DIXDC1: variants seen among roughly 807,000 people sequenced by gnomAD.
DIXDC1 encodes the protein DIX domain containing 1.
A neutral mutation model predicts 103.1 loss-of-function variants in DIXDC1; 64 were observed. That is an observed-to-expected ratio of 0.62 (90% confidence interval 0.51 to 0.76). DIXDC1 has a LOEUF of 0.76. Ranked by LOEUF, DIXDC1 falls within the 30% of genes least tolerant of loss-of-function variation. The pLI, the probability that DIXDC1 is intolerant of heterozygous loss-of-function variation, is 0.00. For missense variants in DIXDC1, 759 were observed against 834.2 expected, an observed-to-expected ratio of 0.91 and a Z score of 1.11; for synonymous variants, 266 against 298.5, an observed-to-expected ratio of 0.89 and a Z score of 1.12.
In DIXDC1 at chr11:111,967,714, G is replaced by A. The variant is rs782027475; in HGVS notation, c.191-799G>A. ...CCCAAAGTGCTAGGATTACGGGCGC[G>A]GGCGTAAGCCATGGCACCCTGCCAG... On this transcript the variant is annotated intron_variant, in intron 2 of 19. Coordinates refer to ENST00000440460, the MANE Select transcript of DIXDC1 (RefSeq NM_001037954.4). 1.3e-4 allele frequency among the ~76,000 whole-genome samples: 20 copies of A among 152,214 alleles called. No homozygotes were observed. In the East Asian group the frequency reaches 1.7e-3, roughly 13 times the overall value.
chr11:111,979,050 C>T (rs11821811), intron 5 of DIXDC1, among the ~76,000 whole-genome samples: 29,751 of 152,204 alleles, frequency 0.2, 3,341 homozygotes, highest in Admixed American at 0.28. Flanking sequence ...CTCCCTACCC[C>T]TCCTGCCTGT....
At chr11:112,018,164 G>A (rs1861654292) in intron 19 of DIXDC1, among the ~76,000 whole-genome samples, 1 of 152,150 alleles carries the variant, frequency 6.6e-6, no homozygotes, top group Non-Finnish European at 1.5e-5. Context: ...AAGAACCTAA[G>A]ACAATAAATA....
Position 111,977,717 on chromosome 11 carries a change from C to A in DIXDC1, c.656+2734C>A. The A allele has an allele frequency of 6.4e-7, 1 of 1,550,434 alleles. No homozygotes were observed. Among genetic ancestry groups the A allele is most frequent in the East Asian group, 2.5e-5 (1 of 40,326 alleles). ...ATTTGGGAGCGATGTGACTCTCAGC[C>A]TCCCACTTCACCCGGGGACGCAGGC... On this transcript the variant is annotated intron_variant, in intron 5 of 19. Transcript: ENST00000440460. The surrounding 1 kb of genome is among the most constrained non-coding windows in gnomAD (Gnocchi z 6.1).
chr11:111,993,783 A>C, intron 14 of DIXDC1, 43 bp downstream of exon 14: 1 of 1,601,744 alleles, frequency 6.2e-7, no homozygotes, highest in Non-Finnish European at 8.5e-7. Context: ...TTATGAAGCA[A>C]ACGGGGAGAT....
intron 11 of DIXDC1, 109 bp downstream of exon 11, chr11:111,992,628 A>G (rs1860746913): frequency 1.0e-6 from 1 of 981,908 alleles, no homozygotes; most frequent in Admixed American, 2.4e-5. Context: ...TGCTTCTGGG[A>G]TGCCTGCCTT....
rs587688734 is a variant in DIXDC1 at position 112,013,671 on chromosome 11, A to G, written c.1757-3020A>G. Among the ~76,000 whole-genome samples the G allele has an allele frequency of 5.9e-5, 9 of 152,202 alleles. No individual in the cohort carries two copies. The South Asian group carries it at 1.9e-3, about 32-fold the overall frequency. Reference sequence around the variant, plus strand: ...CTATATCCCTAGTACTAAGACTTTGACTTTCTAAAGGTCTTTCAAATTCAT... The same window carrying G: ...CTATATCCCTAGTACTAAGACTTTGGCTTTCTAAAGGTCTTTCAAATTCAT... On this transcript the variant is annotated intron_variant, in intron 17 of 19. Transcript: ENST00000440460.
intron 1 of DIXDC1, among the ~76,000 whole-genome samples, chr11:111,943,485 C>CTTTTTTTT: frequency 7.5e-6 from 1 of 133,944 alleles, no homozygotes; most frequent in Non-Finnish European, 1.6e-5. Flanking sequence ...TTTTCTTTCT[C>CTTTTTTTT]TCTTTTTTTT....
rs1187032190 is a variant in DIXDC1, at chr11:111,958,992, G to A, written c.61-5557G>A. ...CTCTGCTGAGAGCTGAACACTCATC[G>A]GGACACCCTGGCTGTGGAGATGAGC... On this transcript the variant is annotated intron_variant, in intron 1 of 19. Transcript: ENST00000440460. This position sits in a 1 kb window ranked among gnomAD's most constrained non-coding sequence, Gnocchi z 4.2. Among the ~76,000 whole-genome samples, 2 of 152,098 alleles carry A rather than the reference G, an allele frequency of 1.3e-5. No homozygotes were observed. The highest frequency in any genetic ancestry group is 2.9e-5 in the Non-Finnish European group (2 of 68,004).
At chr11:112,004,759 C>T (rs1861182009) in intron 17 of DIXDC1, among the ~76,000 whole-genome samples, 1 of 152,152 alleles carries the variant, frequency 6.6e-6, no homozygotes, top group Non-Finnish European at 1.5e-5. Context: ...AGCAGCTGTC[C>T]CTAAACCTAA....
At position 111,977,852 on chromosome 11, in the gene DIXDC1, G is replaced by T; in HGVS notation, c.656+2869G>T. The T allele has an allele frequency of 6.7e-7, 1 of 1,501,548 alleles. No individual in the cohort carries two copies. The highest frequency in any genetic ancestry group is 1.4e-5 in the African/African-American group (1 of 69,344). The allele number at this position is 1,501,548 out of a possible 1,614,324, so 93.0% of individuals were successfully genotyped here. Reference sequence around the variant, plus strand: ...GGGGCCTGGGTGGGAACAGGGGCAGGGCTGGAGGATGCTGTTGGCCGGAGA... The same window carrying T: ...GGGGCCTGGGTGGGAACAGGGGCAGTGCTGGAGGATGCTGTTGGCCGGAGA... On this transcript the variant is annotated intron_variant, in intron 5 of 19. Transcript: ENST00000440460. This position sits in a 1 kb window ranked among gnomAD's most constrained non-coding sequence, Gnocchi z 6.1.
At chr11:111,938,701 G>A (rs950253500) in intron 1 of DIXDC1, among the ~76,000 whole-genome samples, 5 of 152,144 alleles carry the variant, frequency 3.3e-5, no homozygotes, top group Admixed American at 3.3e-4. Context: ...TAATTAAGAA[G>A]CTCTGCAGCC....
chr11:111,943,900 A>G (rs1966506714), intron 1 of DIXDC1, among the ~76,000 whole-genome samples: 1 of 152,194 alleles, frequency 6.6e-6, no homozygotes, highest in Admixed American at 6.5e-5. Flanking sequence ...CTTCTGTACA[A>G]AGAACCTGTC....
rs587640261 is a variant in DIXDC1, at chr11:111,985,974, TC to T, written c.1008+655del. On this transcript the variant is annotated intron_variant, in intron 8 of 19. Transcript: ENST00000440460. ...CAGAAATCTGAATGTTGTCCTTGAA[TC>T]CTTTCCCTCTACATACTTCCCTGTA... is the stretch of plus-strand genomic sequence containing the variant. Among the ~76,000 whole-genome samples the T allele has an allele frequency of 5.9e-5, 9 of 152,260 alleles. No individual in the cohort carries two copies. The South Asian group carries it at 1.9e-3, about 32-fold the overall frequency.
In DIXDC1 at chr11:111,974,279, G is replaced by A. The variant is rs182746547; in HGVS notation, c.548+25G>A. On this transcript the variant is annotated intron_variant, in intron 4 of 19. Coordinates refer to ENST00000440460, the MANE Select transcript of DIXDC1 (RefSeq NM_001037954.4). ...GGTAAGGGTAGAAATCTGGGGGTGG[G>A]AACTGATCCCTCTCTCTGATACTTC... is the stretch of plus-strand genomic sequence containing the variant. 4.1e-5 allele frequency: 65 copies of A among 1,591,930 alleles called. No homozygotes were observed. In the Admixed American group the frequency reaches 7.0e-4, roughly 17 times the overall value.
rs587671468 is a variant in DIXDC1 at position 111,964,733 on chromosome 11, T to C, written c.190+55T>C. On this transcript the variant is annotated intron_variant, in intron 2 of 19. Coordinates refer to ENST00000440460, the MANE Select transcript of DIXDC1 (RefSeq NM_001037954.4). ...GTACATAGATCAGAATCTGGCCTTC[T>C]TTATCCTTCTTATGCCCTTTAGAGC... is the stretch of plus-strand genomic sequence containing the variant. 2,176 of 1,515,092 alleles carry C rather than the reference T, an allele frequency of 1.4e-3. 4 individuals are homozygous for C. The highest frequency in any genetic ancestry group is 1.8e-3 in the Non-Finnish European group (2,052 of 1,134,160). 93.9% of individuals were successfully genotyped at this position (1,515,092 alleles called of 1,614,324 possible).
Position 111,937,397 on chromosome 11 carries a change from C to G in DIXDC1, c.-103C>G. On this transcript the variant is annotated 5_prime_UTR_variant, in exon 1 of 20. The change creates a new upstream start codon in the 5' untranslated region. Transcript: ENST00000440460. ...GTGGCATGCGGGACTCCGGAGGGAT[C>G]CCAATGAGCTGAGCCGAGAGCCTTT... is the stretch of plus-strand genomic sequence containing the variant. The G allele has an allele frequency of 6.7e-7, 1 of 1,492,840 alleles. No individual in the cohort carries two copies. The allele number at this position is 1,492,840 out of a possible 1,614,324, so 92.5% of individuals were successfully genotyped here.
intron 7 of DIXDC1, among the ~76,000 whole-genome samples, chr11:111,983,617 C>T (rs1301312846): frequency 6.6e-6 from 1 of 152,116 alleles, no homozygotes; most frequent in Non-Finnish European, 1.5e-5. Context: ...TTATACCCAA[C>T]CAGGTTGTTC....
At chr11:112,006,449 C>T (rs1219165783) in intron 17 of DIXDC1, among the ~76,000 whole-genome samples, 1 of 152,212 alleles carries the variant, frequency 6.6e-6, no homozygotes, top group Non-Finnish European at 1.5e-5. Flanking sequence ...ACCAGCATGG[C>T]GTTTGAGCTC....
At chr11:112,010,045 ATATATT>A (rs1403026367) in intron 17 of DIXDC1, among the ~76,000 whole-genome samples, 16 of 149,032 alleles carry the variant, frequency 1.1e-4, no homozygotes, top group African/African-American at 3.8e-4. Flanking sequence ...TGACATGACT[ATATATT>A]TAGAAAACCC....
Sources: gnomAD v4.1 joint callset for allele counts (sites outside exome capture counted in the v4.1 genomes callset) on GRCh38, gnomAD v4.1.1 for gene constraint, Gnocchi (gnomAD v3.1) non-coding constraint, MANE v1.5 for transcripts, NCBI Gene and HGNC (gene_info 2026-07-23, HGNC 2026-07-21) for gene names.